The following MAOB variants were observed in gnomAD, a reference collection of about 807,000 sequenced individuals.
MAOB encodes amine oxidase [flavin-containing] B.
Under a neutral mutation model 41.9 loss-of-function variants are expected in MAOB, and 15 were observed. The observed-to-expected ratio is 0.36, with a 90% CI of 0.24 to 0.55. The LOEUF is 0.55. MAOB is among the 20% of genes least tolerant of loss of function. The probability of loss-of-function intolerance (pLI) is 0.86; values close to 1 mark genes in which losing one functional copy is unlikely to be tolerated. For missense variants in MAOB, 345 were observed against 398.7 expected, an observed-to-expected ratio of 0.87 and a Z score of 1.15; for synonymous variants, 167 against 144.2, an observed-to-expected ratio of 1.16 and a Z score of -1.13.
intron 1 of MAOB, among the ~76,000 whole-genome samples, chrX:43,857,359 T>C (rs1013103878): frequency 1.9e-5 from 2 of 107,320 alleles, no homozygotes; most frequent in South Asian, 8.6e-4. Flanking sequence ...TTTGTATTTT[T>C]AGTAGAGATG....
At chrX:43,796,111 C>T (rs759336564) in intron 6 of MAOB, among the ~76,000 whole-genome samples, 14 of 111,985 alleles carry the variant, frequency 1.3e-4, no homozygotes, top group African/African-American at 3.6e-4. Flanking sequence ...GATTCCCAGA[C>T]TCCAACCTTA....
chrX:43,868,392 A>G (rs2035379004), intron 1 of MAOB, among the ~76,000 whole-genome samples: 2 of 111,733 alleles, frequency 1.8e-5, no homozygotes, highest in Non-Finnish European at 3.8e-5. Context: ...TGGAAGCTCA[A>G]TACTGTGGAC....
At chrX:43,866,342 G>C (rs2147179030) in intron 1 of MAOB, among the ~76,000 whole-genome samples, 1 of 112,278 alleles carries the variant, frequency 8.9e-6, no homozygotes, top group East Asian at 2.8e-4. Context: ...AATATGTTTT[G>C]TGACTAAAAA....
chrX:43,811,434 C>A (rs989537163), intron 3 of MAOB, among the ~76,000 whole-genome samples: 1 of 111,356 alleles, frequency 9.0e-6, no homozygotes, highest in South Asian at 3.9e-4. Context: ...CTGTTGGGAG[C>A]CAGGGTAAGC....
At chrX:43,807,460 C>T (rs767413987) in intron 3 of MAOB, among the ~76,000 whole-genome samples, 5 of 112,468 alleles carry the variant, frequency 4.4e-5, no homozygotes, top group Non-Finnish European at 1.9e-5. Flanking sequence ...TCATCTGCCG[C>T]TAACTCCACT....
chrX:43,872,446 T>A (rs2035414575), intron 1 of MAOB, among the ~76,000 whole-genome samples: 1 of 111,855 alleles, frequency 8.9e-6, no homozygotes, highest in Admixed American at 9.5e-5. Context: ...TTATTACAAT[T>A]CCATCATAAG....
At chrX:43,865,349 C>G in intron 1 of MAOB, among the ~76,000 whole-genome samples, 1 of 112,075 alleles carries the variant, frequency 8.9e-6, no homozygotes, top group South Asian at 3.7e-4. Flanking sequence ...TCATAATTGG[C>G]AAACATCTAG....
In MAOB at chrX:43,767,637, G is replaced by A. The variant is rs368783378; in HGVS notation, c.1411-19C>T. On this transcript the variant is annotated intron_variant, in intron 14 of 14. Transcript: ENST00000378069. ...GGACATCCTAGGTTCAGAAAACATT[G>A]GGTATTAGTACAGGGCTTGTGCACT... is the stretch of plus-strand genomic sequence containing the variant. 1 of 1,197,850 alleles carries A rather than the reference G, an allele frequency of 8.3e-7. No individual in the cohort carries two copies.
At chrX:43,872,494 A>G (rs1470331124) in intron 1 of MAOB, among the ~76,000 whole-genome samples, 1 of 112,045 alleles carries the variant, frequency 8.9e-6, no homozygotes, top group Non-Finnish European at 1.9e-5. Flanking sequence ...CAATTTTGCT[A>G]TAATTATTAA....
chrX:43,797,066 G>T, intron 6 of MAOB, 59 bp downstream of exon 6: 1 of 1,099,369 alleles, frequency 9.1e-7, no homozygotes, highest in Non-Finnish European at 1.2e-6. Flanking sequence ...GAAGGATGAT[G>T]ATCTTTCATT....
chrX:43,785,690 A>C (rs1344126554), intron 8 of MAOB, among the ~76,000 whole-genome samples: 1 of 112,117 alleles, frequency 8.9e-6, no homozygotes, highest in East Asian at 2.8e-4. Context: ...AACACTGGGG[A>C]GACCACTGTA....
At chrX:43,767,657 T>G (rs1352691516) in intron 14 of MAOB, 39 bp from the exon 15 acceptor site, 1 of 1,150,044 alleles carries the variant, frequency 8.7e-7, no homozygotes, top group African/African-American at 1.8e-5. Flanking sequence ...ACAGGGCTTG[T>G]GCACTTTATT....
intron 3 of MAOB, among the ~76,000 whole-genome samples, chrX:43,827,955 G>A (rs2034969817): frequency 8.9e-6 from 1 of 111,965 alleles, no homozygotes; most frequent in African/African-American, 3.3e-5. Context: ...ACAGATATCT[G>A]GGAGAAATGC....
intron 3 of MAOB, among the ~76,000 whole-genome samples, chrX:43,838,384 A>G (rs1170536440): frequency 3.6e-5 from 4 of 112,077 alleles, no homozygotes; most frequent in Admixed American, 2.8e-4. Flanking sequence ...AAAAGACGGG[A>G]TCTGGGACTT....
At chrX:43,825,072 T>G (rs2034929297) in intron 3 of MAOB, among the ~76,000 whole-genome samples, 1 of 112,773 alleles carries the variant, frequency 8.9e-6, no homozygotes, top group African/African-American at 3.2e-5. Flanking sequence ...TTGGAGTCTG[T>G]GCGTACTGTG....
intron 3 of MAOB, among the ~76,000 whole-genome samples, chrX:43,830,839 G>A (rs1039784595): frequency 8.9e-6 from 1 of 112,011 alleles, no homozygotes; most frequent in Non-Finnish European, 1.9e-5. Context: ...GCAGCCTCGT[G>A]ACAATGATGT....
In MAOB at chrX:43,785,375, G is replaced by A. The variant is rs1273486593; in HGVS notation, c.929-3831C>T. On this transcript the variant is annotated intron_variant, in intron 8 of 14. Coordinates refer to ENST00000378069, the MANE Select transcript of MAOB (RefSeq NM_000898.5). Reference sequence around the variant, plus strand: ...TTCAACTTCAATTGAAGAGAGTTGGGGGCCTTGCTCTGGATCTAGGCTTTG... The same window carrying A: ...TTCAACTTCAATTGAAGAGAGTTGGAGGCCTTGCTCTGGATCTAGGCTTTG... 3.6e-5 allele frequency among the ~76,000 whole-genome samples: 4 copies of A among 112,113 alleles called. No individual in the cohort carries two copies. In the East Asian group the frequency reaches 1.1e-3, roughly 31 times the overall value.
At chrX:43,853,437 G>A (rs181111612) in intron 1 of MAOB, among the ~76,000 whole-genome samples, 135 of 110,729 alleles carry the variant, frequency 1.2e-3, no homozygotes, top group Middle Eastern at 9.4e-3. Context: ...AAGGAGGAAG[G>A]GAAAGTGTGC....
intron 8 of MAOB, among the ~76,000 whole-genome samples, chrX:43,790,072 T>C (rs2034445104): frequency 9.0e-6 from 1 of 111,653 alleles, no homozygotes. Flanking sequence ...ACCAAAACTC[T>C]GGTGATTACT....
Sources: allele counts gnomAD v4.1 joint callset (sites outside exome capture counted in the v4.1 genomes callset), GRCh38; gene constraint gnomAD v4.1.1; transcripts MANE v1.5; gene names NCBI Gene and HGNC (gene_info 2026-07-23, HGNC 2026-07-21).